CTNNA1: variants seen among roughly 807,000 people sequenced by gnomAD.
CTNNA1 encodes the protein catenin alpha 1.
Under a neutral mutation model 98.4 loss-of-function variants are expected in CTNNA1, and 37 were observed. That is an observed-to-expected ratio of 0.38 (90% CI 0.29 to 0.49). The LOEUF is 0.49. Among genes scored for constraint, CTNNA1 ranks in the 20% least tolerant of loss-of-function variants. The probability of loss-of-function intolerance (pLI) is 0.95; values close to 1 mark genes in which losing one functional copy is unlikely to be tolerated. For synonymous variants in CTNNA1, 404 were observed against 413.2 expected, an observed-to-expected ratio of 0.98 and a Z score of 0.27; for missense variants, 761 against 1,147.2, an observed-to-expected ratio of 0.66 and a Z score of 4.86.
At chr5:138,763,165 A>G (rs1470424354) in intron 1 of CTNNA1, among the ~76,000 whole-genome samples, 2 of 152,194 alleles carry the variant, frequency 1.3e-5, no homozygotes, top group East Asian at 1.9e-4. Context: ...TTAATTACCA[A>G]GTTACATAAT....
At position 138,917,886 on chromosome 5, in the gene CTNNA1, T is replaced by C. The variant is rs1028798753; in HGVS notation, c.1534T>C (p.Leu512=). Residue 512 remains leucine (L), a synonymous_variant, in exon 11 of 18, where the codon TTG becomes CTG. Transcript: ENST00000302763. ...TGACATTACTTCCATTGATGACTTC[T>C]TGGCTGTCTCAGGTAATGAGCTGGT... ...VDDITSIDDF[L]AVSENHILED... 7 of 1,614,110 alleles carry C rather than the reference T, an allele frequency of 4.3e-6. No homozygotes were observed. The East Asian group carries it at 1.6e-4, about 36-fold the overall frequency.
chr5:138,931,523 C>G (rs1278697695), intron 16 of CTNNA1: 2 of 877,796 alleles, frequency 2.3e-6, no homozygotes, highest in East Asian at 2.4e-4. Context: ...GAGACACAAG[C>G]CTCCTTACAC....
intron 9 of CTNNA1, among the ~76,000 whole-genome samples, chr5:138,893,772 T>G (rs945724084): frequency 1.3e-5 from 2 of 151,170 alleles, no homozygotes; most frequent in African/African-American, 4.9e-5. Flanking sequence ...TACAGACACG[T>G]GCCACCACGC....
intron 3 of CTNNA1, among the ~76,000 whole-genome samples, chr5:138,787,575 A>C (rs700628): frequency 0.99 from 150,483 of 152,348 alleles, 74,324 homozygotes; most frequent in East Asian, 1. Context: ...TAACCCTGAT[A>C]TAGGGTTTTC....
At chr5:138,867,901 A>G (rs569890977) in intron 7 of CTNNA1, among the ~76,000 whole-genome samples, 315 of 151,806 alleles carry the variant, frequency 2.1e-3, no homozygotes, top group African/African-American at 7.1e-3. Context: ...ACAGGCGCAT[A>G]CCAGGTTGCC....
intron 7 of CTNNA1, among the ~76,000 whole-genome samples, chr5:138,847,198 T>G (rs1261169465): frequency 9.2e-5 from 14 of 152,242 alleles, no homozygotes; most frequent in Non-Finnish European, 1.9e-4. Flanking sequence ...AGGTTTTTAC[T>G]TTTTTGCTTC....
At chr5:138,855,090 G>C (rs953979738) in intron 7 of CTNNA1, among the ~76,000 whole-genome samples, 1 of 152,198 alleles carries the variant, frequency 6.6e-6, no homozygotes. Context: ...CCAGGCTGGC[G>C]TGCAGTAGCG....
intron 11 of CTNNA1, among the ~76,000 whole-genome samples, chr5:138,920,599 T>A (rs958746880): frequency 2.6e-5 from 4 of 152,256 alleles, no homozygotes; most frequent in Admixed American, 2.6e-4. Context: ...CCTGACTTCT[T>A]GGAGTGGTTG....
chr5:138,904,189 A>G (rs1039796245), intron 9 of CTNNA1, among the ~76,000 whole-genome samples, 160 bp from the exon 10 acceptor site: 4 of 152,260 alleles, frequency 2.6e-5, no homozygotes, highest in African/African-American at 9.6e-5. Flanking sequence ...AGAGTTAAAA[A>G]TGTGTCCTCA....
intron 6 of CTNNA1, 116 bp from the exon 7 acceptor site, chr5:138,827,399 T>C: frequency 8.5e-7 from 1 of 1,174,422 alleles, no homozygotes; most frequent in Non-Finnish European, 1.2e-6. Context: ...TATAACTTTC[T>C]TTCAGATGTT....
At chr5:138,802,184 A>T (rs1467220894) in intron 3 of CTNNA1, among the ~76,000 whole-genome samples, 6 of 152,076 alleles carry the variant, frequency 3.9e-5, no homozygotes, top group Admixed American at 6.5e-5. Context: ...ACTTTTGAAA[A>T]TTTTTTTTCA....
intron 10 of CTNNA1, among the ~76,000 whole-genome samples, chr5:138,914,902 C>T (rs989359372): frequency 2.0e-5 from 3 of 152,106 alleles, no homozygotes; most frequent in Non-Finnish European, 4.4e-5. Context: ...AATCCCAGCA[C>T]TTTGGGAGGC....
At chr5:138,853,079 G>A (rs2149853189) in intron 7 of CTNNA1, among the ~76,000 whole-genome samples, 1 of 151,794 alleles carries the variant, frequency 6.6e-6, no homozygotes, top group Admixed American at 6.6e-5. Flanking sequence ...TTATTTCAGT[G>A]TGCTAACAGT....
chr5:138,901,305 G>T (rs1437070038), intron 9 of CTNNA1, among the ~76,000 whole-genome samples: 1 of 152,126 alleles, frequency 6.6e-6, no homozygotes, highest in African/African-American at 2.4e-5. Flanking sequence ...TTACAGGGGC[G>T]TGCCACCACG....
At chr5:138,904,626 C>T (rs1005838428) in intron 10 of CTNNA1, 185 bp downstream of exon 10, 3 of 740,334 alleles carry the variant, frequency 4.1e-6, no homozygotes, top group African/African-American at 3.5e-5. Flanking sequence ...GTGACATTTG[C>T]ACGGGAGATT....
intron 3 of CTNNA1, among the ~76,000 whole-genome samples, chr5:138,789,188 T>TCCC (rs11331872): frequency 6.7e-6 from 1 of 149,224 alleles, no homozygotes. Context: ...TTCCTGTTTT[T>TCCC]CCCCCCCCCC....
chr5:138,755,416 T>C (rs565094717), intron 1 of CTNNA1, among the ~76,000 whole-genome samples: 1 of 152,276 alleles, frequency 6.6e-6, no homozygotes, highest in East Asian at 1.9e-4. Context: ...ATCACTCTCC[T>C]GGTTTTCTTT....
intron 7 of CTNNA1, among the ~76,000 whole-genome samples, chr5:138,832,352 G>A (rs371154965): frequency 9.9e-5 from 15 of 152,144 alleles, no homozygotes; most frequent in South Asian, 2.1e-4. Flanking sequence ...GAGGTTTTGC[G>A]ACCCTTCAGT....
Position 138,827,498 on chromosome 5 carries a change from TA to T in CTNNA1, c.859-15del. 6.2e-7 allele frequency: 1 copy of T among 1,613,506 alleles called. No individual in the cohort carries two copies. The highest frequency in any genetic ancestry group is 8.5e-7 in the Non-Finnish European group (1 of 1,179,454). ...AACAGAGATGAGTACTAACATTCGGTAATACTTTCTCTGCAGAAACAAATCA... is the reference window on the plus strand; with the variant it reads ...AACAGAGATGAGTACTAACATTCGGTATACTTTCTCTGCAGAAACAAATCA... On this transcript the variant is annotated splice_polypyrimidine_tract_variant and intron_variant, in intron 6 of 17. Transcript: ENST00000302763.
Sources: gnomAD v4.1 joint callset for allele counts (sites outside exome capture counted in the v4.1 genomes callset) on GRCh38, gnomAD v4.1.1 for gene constraint, MANE v1.5 for transcripts, NCBI Gene and HGNC (gene_info 2026-07-23, HGNC 2026-07-21) for gene names.